DPF1: variants seen among roughly 807,000 people sequenced by gnomAD.
DPF1 encodes the protein zinc finger protein neuro-d4.
DPF1 carries 14 observed loss-of-function variants against 58.7 expected under a neutral mutation model. The observed-to-expected ratio is 0.24, with a 90% CI of 0.16 to 0.37. The LOEUF is 0.37. Ranked by LOEUF, DPF1 falls within the 10% of genes least tolerant of loss-of-function variation. DPF1 has a pLI of 1.00. For missense variants in DPF1, 345 were observed against 529.9 expected, an observed-to-expected ratio of 0.65 and a Z score of 3.43; for synonymous variants, 216 against 216.0, an observed-to-expected ratio of 1.00 and a Z score of 0.00.
intron 1 of DPF1, chr19:38,223,849 C>G (rs998520580): frequency 5.4e-6 from 2 of 372,216 alleles, no homozygotes; most frequent in African/African-American, 4.2e-5. Flanking sequence ...CTCCCAGACC[C>G]GAGGGTTGCA....
At position 38,218,666 on chromosome 19, in the gene DPF1, G is replaced by C. The variant is rs926545404; in HGVS notation, c.427-4C>G. 27 of 1,614,062 alleles carry C rather than the reference G, an allele frequency of 1.7e-5. No individual in the cohort carries two copies. Among genetic ancestry groups the C allele is most frequent in the Non-Finnish European group, 2.3e-5 (27 of 1,180,032 alleles). ...GAAACTCCAGCAACTGCTGTTTCTG[G>C]GCAATAGAGAAAGGAGACGGGTCAA... On this transcript the variant is annotated splice_polypyrimidine_tract_variant and splice_region_variant and intron_variant, in intron 4 of 11. Coordinates refer to ENST00000355526, the MANE Select transcript of DPF1 (RefSeq NM_001135155.3).
chr19:38,212,237 T>TGGGGGGGGGGGGGCCC, intron 11 of DPF1, 43 bp downstream of exon 11: 1 of 1,256,812 alleles, frequency 8.0e-7, no homozygotes. Context: ...GGAGATGGCG[T>TGGGGGGGGGGGGGCCC]TCCCACCCAC....
Position 38,224,092 on chromosome 19 carries a change from G to T in DPF1, c.29+22C>A, listed in dbSNP as rs758725060. On this transcript the variant is annotated intron_variant, in intron 1 of 11. Coordinates refer to ENST00000355526, the MANE Select transcript of DPF1 (RefSeq NM_001135155.3). The surrounding 1 kb of genome is among the most constrained non-coding windows in gnomAD (Gnocchi z 4.5). ...GTAGACCCGCCCGCGCTTCCTCTCCGCCTCCCGCCGGCCCGCACCACCTCA... is the reference window on the plus strand; with the variant it reads ...GTAGACCCGCCCGCGCTTCCTCTCCTCCTCCCGCCGGCCCGCACCACCTCA... 1.3e-6 allele frequency: 2 copies of T among 1,493,998 alleles called. No individual in the cohort carries two copies. Among genetic ancestry groups the T allele is most frequent in the African/African-American group, 1.5e-5 (1 of 67,790 alleles). The allele number at this position is 1,493,998 out of a possible 1,614,324, so 92.5% of individuals were successfully genotyped here.
rs1188324483 is a variant in DPF1, at chr19:38,222,804, G to T, written c.30-96C>A. ...CCCGGCTGCCGGGCCGCCCAGGCTC[G>T]GGAGGGGTGGGCCGACCCCTCCAGC... On this transcript the variant is annotated intron_variant, in intron 1 of 11. Transcript: ENST00000355526. This position sits in a 1 kb window ranked among gnomAD's most constrained non-coding sequence, Gnocchi z 4.9. The T allele has an allele frequency of 4.3e-6, 6 of 1,407,782 alleles. No homozygotes were observed. In the African/African-American group the frequency reaches 9.0e-5, roughly 21 times the overall value. The allele number at this position is 1,407,782 out of a possible 1,614,324, so 87.2% of individuals were successfully genotyped here. A position where few individuals can be genotyped will look rare whatever the true frequency, so the allele number is the denominator to read the frequency against.
rs1967573243 is a variant in DPF1 at position 38,222,531 on chromosome 19, A to C, written c.190+17T>G. On this transcript the variant is annotated intron_variant, in intron 2 of 11. Coordinates refer to ENST00000355526, the MANE Select transcript of DPF1 (RefSeq NM_001135155.3). The surrounding 1 kb of genome is among the most constrained non-coding windows in gnomAD (Gnocchi z 4.9). ...GCCTGGCCCCGCCCCGCCCTGCGCC[A>C]GCCCTCCCGGCGGTACCCGGCCCGC... is the stretch of plus-strand genomic sequence containing the variant. 6.2e-7 allele frequency: 1 copy of C among 1,605,998 alleles called. No homozygotes were observed. The highest frequency in any genetic ancestry group is 1.4e-5 in the African/African-American group (1 of 74,054).
intron 3 of DPF1, among the ~76,000 whole-genome samples, chr19:38,221,953 T>G (rs1967508267): frequency 6.6e-6 from 1 of 151,942 alleles, no homozygotes. Flanking sequence ...TGGTGGCGCA[T>G]GCCTGTAATC....
rs2278431 is a variant in DPF1, at chr19:38,216,349, G to A, written c.778+4C>T. 800,245 of 1,602,732 alleles carry A rather than the reference G, an allele frequency of 0.5. 205,161 individuals are homozygous for A. The highest frequency in any genetic ancestry group is 0.78 in the East Asian group (34,792 of 44,694). On this transcript the variant is annotated splice_donor_region_variant and intron_variant, in intron 8 of 11. Transcript: ENST00000355526. ...ACTTTAGGAGCAGAAGGAGGCATCC[G>A]TACCTGTGTGTTTCCTTTGTGCCTC...
At chr19:38,215,610 T>C (rs982120651) in intron 9 of DPF1, among the ~76,000 whole-genome samples, 6 of 152,158 alleles carry the variant, frequency 3.9e-5, no homozygotes, top group African/African-American at 1.2e-4. Context: ...GCTAACTTTT[T>C]TTATATATAG....
rs139870324 is a variant in DPF1, at chr19:38,213,593, C to T, written c.1011+51G>A. On this transcript the variant is annotated intron_variant, in intron 10 of 11. Coordinates refer to ENST00000355526, the MANE Select transcript of DPF1 (RefSeq NM_001135155.3). ...TTTAGGCTTAAGGGGCAGAGGTGGA[C>T]GTGCCAGGCGGGGCGGGCAGCAGGG... 34 of 1,518,692 alleles carry T rather than the reference C, an allele frequency of 2.2e-5. No individual in the cohort carries two copies. In the East Asian group the frequency reaches 4.5e-4, roughly 20 times the overall value. 94.1% of individuals were successfully genotyped at this position (1,518,692 alleles called of 1,614,324 possible).
At position 38,222,555 on chromosome 19, in the gene DPF1, G is replaced by A. The variant is rs756878982; in HGVS notation, c.183C>T (p.Arg61=). 3 of 1,607,972 alleles carry A rather than the reference G, an allele frequency of 1.9e-6. No individual in the cohort carries two copies. The highest frequency in any genetic ancestry group is 1.7e-5 in the Admixed American group (1 of 59,442). ...NCYIWMEKTH[R]GPGLAPGQIY... ...CAGCCCTCCCGGCGGTACCCGGCCC[G>A]CGGTGGGTCTTCTCCATCCAGATGT... Residue 61 remains arginine, a synonymous_variant, in exon 2 of 12, where the codon CGC becomes CGT. Transcript: ENST00000355526. This position sits in a 1 kb window ranked among gnomAD's most constrained non-coding sequence, Gnocchi z 4.9.
At position 38,224,045 on chromosome 19, in the gene DPF1, C is replaced by G. The variant is rs948088122; in HGVS notation, c.29+69G>C. The G allele has an allele frequency of 1.3e-4, 181 of 1,439,242 alleles. No individual in the cohort carries two copies. In the African/African-American group the frequency reaches 2.3e-3, roughly 19 times the overall value. The allele number at this position is 1,439,242 out of a possible 1,614,324, so 89.2% of individuals were successfully genotyped here. ...ACACCCCTTCGGCCCCACCCCCGGT[C>G]GCCACACACACACAGGCCCGCGTAG... On this transcript the variant is annotated intron_variant, in intron 1 of 11. Transcript: ENST00000355526. The surrounding 1 kb of genome is among the most constrained non-coding windows in gnomAD (Gnocchi z 4.5).
At position 38,222,676 on chromosome 19, in the gene DPF1, T is replaced by A. The variant is rs1967586764; in HGVS notation, c.62A>T (p.Glu21Val). The A allele has an allele frequency of 6.2e-7, 1 of 1,604,784 alleles. No homozygotes were observed. Among genetic ancestry groups the A allele is most frequent in the Non-Finnish European group, 8.5e-7 (1 of 1,176,640 alleles). ...GCGCGCGTTGTAACTGCGGCAGTGC[T>A]CGATGGCCTCGCGGTAGAAGTCCTC... ...LGEDFYREAIEHCRSYNARLC... is the reference protein window; with the variant it reads ...LGEDFYREAIVHCRSYNARLC... Residue 21 changes from glutamate to valine, a missense_variant, in exon 2 of 12, where the codon GAG (glutamate) becomes GTG (valine). Physicochemically the swap from Glu to Val is moderately radical, Grantham distance 121. Transcript: ENST00000355526. This position sits in a 1 kb window ranked among gnomAD's most constrained non-coding sequence, Gnocchi z 4.9.
At chr19:38,217,634 G>T in intron 6 of DPF1, 43 bp from the exon 7 acceptor site, 3 of 1,528,832 alleles carry the variant, frequency 2.0e-6, no homozygotes, top group Non-Finnish European at 2.6e-6. Flanking sequence ...GCCCCTCCGG[G>T]CCCCTGCCGC....
In DPF1 at chr19:38,222,597, C is replaced by T. The variant is rs1404569943; in HGVS notation, c.141G>A (p.Val47=). The T allele has an allele frequency of 1.9e-6, 3 of 1,612,082 alleles. No homozygotes were observed. The highest frequency in any genetic ancestry group is 2.5e-6 in the Non-Finnish European group (3 of 1,179,256). ...RLPFLDSQTG[V]AQNNCYIWME... ...TCCAGATGTAGCAGTTGTTCTGGGC[C>T]ACGCCGGTCTGCGAGTCGAGGAAGG... The change falls in exon 2 of 12, where the codon GTG becomes GTA. Residue 47 remains valine (V), a synonymous_variant. Coordinates refer to ENST00000355526, the MANE Select transcript of DPF1 (RefSeq NM_001135155.3). This position sits in a 1 kb window ranked among gnomAD's most constrained non-coding sequence, Gnocchi z 4.9.
chr19:38,216,592 T>G, intron 7 of DPF1, 189 bp from the exon 8 acceptor site: 1 of 590,892 alleles, frequency 1.7e-6, no homozygotes. Context: ...CTTTTTAAAT[T>G]TTTTTTTCAA....
In DPF1 at chr19:38,218,627, C is replaced by A. The variant is rs764559263; in HGVS notation, c.462G>T (p.Glu154Asp). ...QQLLEFPHDL[E>D]VEDLEDDIPR... ...GAATGTCATCCTCCAAGTCTTCCAC[C>A]TCGAGGTCATGCGGAAACTCCAGCA... The change falls in exon 5 of 12, where the codon GAG becomes GAT. Residue 154 changes from glutamate to aspartate, a missense_variant. Physicochemically the swap from Glu to Asp is conservative, Grantham distance 45. Transcript: ENST00000355526. 3.3e-5 allele frequency: 53 copies of A among 1,614,074 alleles called. No individual in the cohort carries two copies. Among genetic ancestry groups the A allele is most frequent in the Non-Finnish European group, 4.2e-5 (49 of 1,180,046 alleles).
chr19:38,228,712 AG>A (rs2146237243), upstream of DPF1: 1 of 152,594 alleles, frequency 6.6e-6, no homozygotes, highest in African/African-American at 2.4e-5. Context: ...GAGAGGGGGA[AG>A]GGGAGGTGTG....
intron 11 of DPF1, 70 bp downstream of exon 11, chr19:38,212,210 A>G: frequency 6.6e-7 from 1 of 1,507,944 alleles, no homozygotes; most frequent in Non-Finnish European, 9.0e-7. Flanking sequence ...CCGAGGACAC[A>G]CAGTCTTCCA....
intron 10 of DPF1, 22 bp downstream of exon 10, chr19:38,213,622 G>A (rs762463841): frequency 4.7e-5 from 76 of 1,605,564 alleles, no homozygotes; most frequent in Middle Eastern, 3.3e-4. Flanking sequence ...AGCAGGGCAC[G>A]CGGGGGGCGG....
Sources: allele counts gnomAD v4.1 joint callset (sites outside exome capture counted in the v4.1 genomes callset), GRCh38; gene constraint gnomAD v4.1.1; non-coding constraint Gnocchi (gnomAD v3.1); transcripts MANE v1.5; gene names NCBI Gene and HGNC (gene_info 2026-07-23, HGNC 2026-07-21).